The following HERC6 variants were observed in gnomAD, a reference collection of about 807,000 sequenced individuals.
HERC6 encodes probable E3 ubiquitin-protein ligase HERC6.
Under a neutral mutation model 114.5 loss-of-function variants are expected in HERC6, and 101 were observed. That is an observed-to-expected ratio of 0.88 (90% CI 0.75 to 1.04). HERC6 has a LOEUF of 1.04. Among genes scored for constraint, HERC6 ranks in the 50% least tolerant of loss-of-function variants. The pLI, the probability that HERC6 is intolerant of heterozygous loss-of-function variation, is 0.00. For synonymous variants in HERC6, 408 were observed against 436.2 expected (o/e 0.94, Z 0.81); for missense variants, 1,133 against 1,230.9 (o/e 0.92, Z 1.19).
chr4:88,419,587 A>C (rs1038616274), intron 13 of HERC6, among the ~76,000 whole-genome samples: 1 of 152,164 alleles, frequency 6.6e-6, no homozygotes, highest in African/African-American at 2.4e-5. Flanking sequence ...AGATCTTGTT[A>C]AAAAATTCAG....
In HERC6 at chr4:88,408,717, T is replaced by C. The variant is rs536492532; in HGVS notation, c.1368+100T>C. ...GGGAACTATGATTGTAATTGCCCGA[T>C]GAGTTCTTCCTGCCCACTGCAGAAA... On this transcript the variant is annotated intron_variant, in intron 11 of 22. Transcript: ENST00000264346. The C allele has an allele frequency of 7.6e-5, 62 of 812,652 alleles. No homozygotes were observed. In the African/African-American group the frequency reaches 9.6e-4, roughly 13 times the overall value. 50.3% of individuals were successfully genotyped at this position (812,652 alleles called of 1,614,324 possible).
chr4:88,410,306 T>C (rs1426509162), intron 11 of HERC6, among the ~76,000 whole-genome samples: 2 of 152,134 alleles, frequency 1.3e-5, no homozygotes, highest in African/African-American at 2.4e-5. Context: ...CTTAGGTAGA[T>C]GAGAGAAAAA....
At chr4:88,405,902 C>T (rs935770568) in intron 10 of HERC6, among the ~76,000 whole-genome samples, 21 of 152,126 alleles carry the variant, frequency 1.4e-4, no homozygotes, top group South Asian at 4.1e-4. Context: ...TACAAAGGAT[C>T]GGCTAAATCT....
Position 88,384,024 on chromosome 4 carries a change from G to A in HERC6, c.359+644G>A, listed in dbSNP as rs535953966. On this transcript the variant is annotated intron_variant, in intron 2 of 22. Coordinates refer to ENST00000264346, the MANE Select transcript of HERC6 (RefSeq NM_017912.4). ...AAACATTTGAGCTGCAAAAGATACA[G>A]ATATAAATCTTACCTGAACTTCCTT... Among the ~76,000 whole-genome samples the A allele has an allele frequency of 3.3e-5, 5 of 152,162 alleles. No individual in the cohort carries two copies. In the East Asian group the frequency reaches 7.7e-4, roughly 24 times the overall value.
chr4:88,440,289 T>C, intron 22 of HERC6, 39 bp downstream of exon 22: 7 of 1,121,704 alleles, frequency 6.2e-6, no homozygotes, highest in African/African-American at 1.6e-5. Context: ...TAATTATGTA[T>C]CTTTTAAAAA....
Position 88,408,557 on chromosome 4 carries a change from C to T in HERC6, c.1308C>T (p.Asp436=), listed in dbSNP as rs1257081801. ...GAGAAACGACTTCCATTGATGTGGA[C>T]TTAGAAATGGCAAGAGATACCTTCA... The part of the protein sequence containing the change: ...GTGETTSIDV[D]LEMARDTFKK... Residue 436 remains aspartate, a synonymous_variant, in exon 11 of 23, where the codon GAC becomes GAT. Transcript: ENST00000264346. 6.9e-6 allele frequency: 11 copies of T among 1,600,108 alleles called. No individual in the cohort carries two copies. The highest frequency in any genetic ancestry group is 5.4e-5 in the African/African-American group (4 of 74,730).
intron 12 of HERC6, among the ~76,000 whole-genome samples, chr4:88,413,521 G>A (rs1736250214): frequency 6.6e-6 from 1 of 152,044 alleles, no homozygotes; most frequent in African/African-American, 2.4e-5. Context: ...TTTAGACTTG[G>A]ATGTGGCTTT....
intron 5 of HERC6, among the ~76,000 whole-genome samples, chr4:88,393,827 A>G (rs576222503): frequency 6.6e-6 from 1 of 152,320 alleles, no homozygotes; most frequent in South Asian, 2.1e-4. Context: ...ATTCACAGAT[A>G]CCATATTTTC....
At chr4:88,424,428 A>G (rs1297791842) in intron 14 of HERC6, among the ~76,000 whole-genome samples, 167 bp from the exon 15 acceptor site, 14 of 152,206 alleles carry the variant, frequency 9.2e-5, no homozygotes, top group Non-Finnish European at 7.3e-5. Flanking sequence ...TTAGTGAGCC[A>G]AGTTTATGCC....
At position 88,435,824 on chromosome 4, in the gene HERC6, T is replaced by C. The variant is rs752650782; in HGVS notation, c.2350T>C (p.Tyr784His). ...VANLPFPLAL[Y>H]KKLLDQKPSL... ...TAACCTTCCTTTCCCACTGGCTCTG[T>C]ATAAAAAACTTCTGGACCAAAAGCC... Residue 784 changes from tyrosine to histidine, a missense_variant, in exon 18 of 23, where the codon TAT becomes CAT. Around this residue, in one of 3 missense-constraint regions of HERC6, gnomAD observed 388 missense variants for 445.9 expected, o/e 0.87. Coordinates refer to ENST00000264346, the MANE Select transcript of HERC6 (RefSeq NM_017912.4). 7 of 1,612,618 alleles carry C rather than the reference T, an allele frequency of 4.3e-6. No homozygotes were observed. In the East Asian group the frequency reaches 1.3e-4, roughly 31 times the overall value.
At chr4:88,404,213 A>G (rs556546638) in intron 8 of HERC6, among the ~76,000 whole-genome samples, 1 of 134,944 alleles carries the variant, frequency 7.4e-6, no homozygotes, top group Non-Finnish European at 1.6e-5. Context: ...TTTTTTTGAG[A>G]TGGAGTTTCG....
At chr4:88,414,778 C>T (rs990064734) in intron 12 of HERC6, among the ~76,000 whole-genome samples, 8 of 152,124 alleles carry the variant, frequency 5.3e-5, no homozygotes, top group African/African-American at 9.7e-5. Context: ...GGATTCTAGC[C>T]GGCTTCTTTA....
At chr4:88,380,324 ATATAATATATAAATATATATAT>A (rs1734221867) in intron 1 of HERC6, among the ~76,000 whole-genome samples, 1 of 11,710 alleles carries the variant, frequency 8.5e-5, no homozygotes, top group African/African-American at 3.2e-4. Context: ...ATAAATATAT[ATATAATATATAAATATATATAT>A]AATATAAATA....
chr4:88,426,271 C>T (rs939063085), intron 15 of HERC6, among the ~76,000 whole-genome samples: 9 of 151,740 alleles, frequency 5.9e-5, no homozygotes, highest in South Asian at 2.1e-4. Context: ...CGGGTTCAAG[C>T]GATTCTTCTG....
At chr4:88,411,386 T>C (rs1474142159) in intron 11 of HERC6, among the ~76,000 whole-genome samples, 1 of 152,226 alleles carries the variant, frequency 6.6e-6, no homozygotes, top group African/African-American at 2.4e-5. Flanking sequence ...GAAATCTCTT[T>C]TGACCCTATT....
Position 88,398,181 on chromosome 4 carries a change from C to T in HERC6, c.1064C>T (p.Thr355Ile). ...CAAGTCAAACACATTTTTGCTGGAA[C>T]ATATGCCAACTTTGTGACAACTCAT... ...DVQVKHIFAG[T>I]YANFVTTHQD... is the part of the protein sequence containing the mutation. Residue 355 changes from threonine (T) to isoleucine (I), a missense_variant, in exon 8 of 23, where the codon ACA becomes ATA. Transcript: ENST00000264346. 2 of 1,596,680 alleles carry T rather than the reference C, an allele frequency of 1.3e-6. No homozygotes were observed. The highest frequency in any genetic ancestry group is 1.7e-6 in the Non-Finnish European group (2 of 1,172,324).
At chr4:88,424,970 A>C (rs183406622) in intron 15 of HERC6, among the ~76,000 whole-genome samples, 4 of 152,336 alleles carry the variant, frequency 2.6e-5, no homozygotes, top group Admixed American at 2.6e-4. Context: ...TGAGTGGTTC[A>C]AGTGGCAACC....
At position 88,431,317 on chromosome 4, in the gene HERC6, CT is replaced by C. The variant is rs57584452; in HGVS notation, c.2250+24del. 57,337 of 972,364 alleles carry C rather than the reference CT, an allele frequency of 0.059. 22 individuals carry two copies. The highest frequency in any genetic ancestry group is 0.11 in the South Asian group (5,651 of 50,916). The allele number at this position is 972,364 out of a possible 1,614,324, so 60.2% of individuals were successfully genotyped here. On this transcript the variant is annotated intron_variant, in intron 17 of 22. Transcript: ENST00000264346. ...GGTTTCCTGCCAAGGTAAGTCTTTTCTTTTTTTTTTTTCCCCCAGAACAGAA... is the reference window on the plus strand; with the variant it reads ...GGTTTCCTGCCAAGGTAAGTCTTTTCTTTTTTTTTTTCCCCCAGAACAGAA...
intron 5 of HERC6, 79 bp from the exon 6 acceptor site, chr4:88,395,936 C>G: frequency 1.5e-6 from 2 of 1,343,880 alleles, no homozygotes; most frequent in Non-Finnish European, 2.0e-6. Flanking sequence ...CGTATTAACT[C>G]TTGTATGACA....
Sources: allele counts gnomAD v4.1 joint callset (sites outside exome capture counted in the v4.1 genomes callset), GRCh38; gene constraint gnomAD v4.1.1; regional missense constraint gnomAD v4.1.1; transcripts MANE v1.5; gene names NCBI Gene and HGNC (gene_info 2026-07-23, HGNC 2026-07-21).